Variants in KLF13 observed in about 807,000 individuals in gnomAD.
KLF13 encodes the protein Krueppel-like factor 13.
A neutral mutation model predicts 16.7 loss-of-function variants in KLF13; 8 were observed. The observed-to-expected ratio is 0.48, with a 90% confidence interval of 0.28 to 0.87. KLF13 has a LOEUF of 0.87. KLF13 is among the 40% of genes least tolerant of loss of function. The probability of loss-of-function intolerance (pLI) is 0.10; values close to 1 mark genes in which losing one functional copy is unlikely to be tolerated. For missense variants in KLF13, 447 were observed against 452.2 expected (o/e 0.99, Z 0.10); for synonymous variants, 245 against 208.4 (o/e 1.18, Z -1.51).
In KLF13 at chr15:31,372,425, G is replaced by T. The variant is rs1479346586; in HGVS notation, c.*126G>T. 4.7e-6 allele frequency: 5 copies of T among 1,063,556 alleles called. No individual in the cohort carries two copies. The African/African-American group carries it at 8.3e-5, about 18-fold the overall frequency. The allele number at this position is 1,063,556 out of a possible 1,614,324, so 65.9% of individuals were successfully genotyped here. On this transcript the variant is annotated 3_prime_UTR_variant, in exon 2 of 2. Transcript: ENST00000307145. The stretch of plus-strand genomic sequence containing the variant: ...GAAAAAACAATTTTTTTCACCTCAG[G>T]TGTCAAAGTAAATTTGTTAAAAAAA...
intron 1 of KLF13, among the ~76,000 whole-genome samples, chr15:31,359,171 C>T (rs71474657): frequency 4.1e-4 from 62 of 152,320 alleles, no homozygotes; most frequent in Admixed American, 1.4e-3. Context: ...CCCTACTTAT[C>T]CATTGAGGAG....
chr15:31,371,999 T>C lies in KLF13; in HGVS notation c.578-11T>C. On this transcript the variant is annotated splice_polypyrimidine_tract_variant and intron_variant, in intron 1 of 1. Transcript: ENST00000307145. ...GGTGCGGATACTGATGCTCTGCCCC[T>C]GTGCCCACAGGTGAGAGGCCCTTCG... 1.3e-6 allele frequency: 2 copies of C among 1,593,878 alleles called. No individual in the cohort carries two copies. The highest frequency in any genetic ancestry group is 1.7e-6 in the Non-Finnish European group (2 of 1,170,652).
intron 1 of KLF13, among the ~76,000 whole-genome samples, chr15:31,337,796 G>A (rs563940521): frequency 6.8e-4 from 103 of 152,370 alleles, no homozygotes; most frequent in African/African-American, 1.5e-3. Flanking sequence ...TGTTTGAAAC[G>A]TCATTATGTG....
chr15:31,384,468 G>A (rs1057096282), intron 1 of KLF13, among the ~76,000 whole-genome samples: 21 of 152,180 alleles, frequency 1.4e-4, no homozygotes, highest in Admixed American at 1.2e-3. Context: ...ACCAACTCAA[G>A]CAATTGTTAC....
Position 31,327,242 on chromosome 15 carries a change from C to T in KLF13, c.30C>T (p.Phe10=). Residue 10 remains phenylalanine, a synonymous_variant, in exon 1 of 2, where the codon TTC becomes TTT. Transcript: ENST00000307145. The part of the protein sequence containing the change: MAAAAYVDH[F]AAECLVSMSS... ...CAGCCGCCGCCTATGTGGACCACTT[C>T]GCCGCCGAGTGCCTCGTGTCCATGT... is the stretch of plus-strand genomic sequence containing the variant. 7.3e-7 allele frequency: 1 copy of T among 1,378,046 alleles called. No homozygotes were observed. The highest frequency in any genetic ancestry group is 9.4e-7 in the Non-Finnish European group (1 of 1,063,698). 85.4% of individuals were successfully genotyped at this position (1,378,046 alleles called of 1,614,324 possible).
At chr15:31,393,651 CAG>C (rs2039908617) in exon 2 of KLF13, 1 of 152,546 alleles carries the variant, frequency 6.6e-6, no homozygotes, top group South Asian at 2.1e-4. Flanking sequence ...GAAGCAAAGA[CAG>C]AGCTTTCCCA....
downstream of KLF13, among the ~76,000 whole-genome samples, chr15:31,409,648 G>A (rs921988335): frequency 2.0e-5 from 3 of 152,076 alleles, no homozygotes; most frequent in Non-Finnish European, 2.9e-5. Flanking sequence ...AAAAGGACAC[G>A]TTACATACAG....
At chr15:31,380,374 A>T (rs998605163), downstream of KLF13, among the ~76,000 whole-genome samples, 1 of 152,214 alleles carries the variant, frequency 6.6e-6, no homozygotes, top group Non-Finnish European at 1.5e-5. Context: ...CGCTGGAGGC[A>T]TTCAAGCAGG....
At chr15:31,416,923 A>G (rs570654711) in intron 1 of KLF13, among the ~76,000 whole-genome samples, 87 of 152,344 alleles carry the variant, frequency 5.7e-4, no homozygotes, top group African/African-American at 2.0e-3. Context: ...AATGTAAAGC[A>G]TTGAGAGGTG....
intron 1 of KLF13, among the ~76,000 whole-genome samples, chr15:31,349,078 A>C (rs953261446): frequency 1.2e-4 from 18 of 152,164 alleles, no homozygotes; most frequent in African/African-American, 4.3e-4. Flanking sequence ...CAGGAGGCAC[A>C]AACATTCAGC....
intron 1 of KLF13, among the ~76,000 whole-genome samples, chr15:31,341,360 G>T (rs2039018666): frequency 6.6e-6 from 1 of 152,158 alleles, no homozygotes; most frequent in Non-Finnish European, 1.5e-5. Context: ...GTGTGTGTAC[G>T]TGTGTGTGTC....
intron 1 of KLF13, among the ~76,000 whole-genome samples, chr15:31,346,514 G>C (rs2039121031): frequency 6.6e-6 from 1 of 152,122 alleles, no homozygotes; most frequent in African/African-American, 2.4e-5. Context: ...CTCCTCCCCG[G>C]GTTCTCTTCT....
upstream of KLF13, among the ~76,000 whole-genome samples, chr15:31,391,990 G>A (rs2039878254): frequency 6.6e-6 from 1 of 152,074 alleles, no homozygotes; most frequent in Non-Finnish European, 1.5e-5. Flanking sequence ...GGGAGCCCTC[G>A]GCTGGGCGGG....
At chr15:31,425,808 C>T (rs569539697) in intron 1 of KLF13, among the ~76,000 whole-genome samples, 10 of 152,048 alleles carry the variant, frequency 6.6e-5, no homozygotes, top group South Asian at 2.1e-4. Context: ...ATCCAGGAGG[C>T]GGAGGTTGCA....
chr15:31,425,754 G>A (rs1261856870), intron 1 of KLF13, among the ~76,000 whole-genome samples: 1 of 152,188 alleles, frequency 6.6e-6, no homozygotes, highest in Non-Finnish European at 1.5e-5. Flanking sequence ...GCACATGCCT[G>A]TAATCCCAGC....
intron 1 of KLF13, among the ~76,000 whole-genome samples, chr15:31,362,475 G>GGGGT (rs1209741770): frequency 2.0e-5 from 3 of 152,190 alleles, no homozygotes; most frequent in African/African-American, 7.2e-5. Context: ...GAGAGCTCTT[G>GGGGT]GGGTAATATG....
chr15:31,348,288 A>G (rs1022573385), intron 1 of KLF13, among the ~76,000 whole-genome samples: 1 of 152,096 alleles, frequency 6.6e-6, no homozygotes, highest in Non-Finnish European at 1.5e-5. Context: ...TTTGCACTAA[A>G]GGGACAGCAG....
intron 1 of KLF13, among the ~76,000 whole-genome samples, chr15:31,416,962 AGTGCTCT>A (rs2040262752): frequency 1.3e-5 from 2 of 152,148 alleles, no homozygotes; most frequent in African/African-American, 4.8e-5. Context: ...TAGGTTATGG[AGTGCTCT>A]GCCCTAATAC....
At chr15:31,367,375 A>G (rs1244027847) in intron 1 of KLF13, among the ~76,000 whole-genome samples, 1 of 152,158 alleles carries the variant, frequency 6.6e-6, no homozygotes, top group Non-Finnish European at 1.5e-5. Flanking sequence ...GGCACCCAGT[A>G]TGTGCCCTGT....
Sources: allele counts gnomAD v4.1 joint callset (sites outside exome capture counted in the v4.1 genomes callset), GRCh38; gene constraint gnomAD v4.1.1; transcripts MANE v1.5; gene names NCBI Gene and HGNC (gene_info 2026-07-23, HGNC 2026-07-21).